Variants in TMPRSS15 observed in about 807,000 individuals in gnomAD.
TMPRSS15 encodes enteropeptidase.
In TMPRSS15, 128 loss-of-function variants were observed where a neutral mutation model predicts 125.3. The ratio of observed to expected loss-of-function variants is 1.02; its 90% CI spans 0.89 to 1.18. TMPRSS15 has a LOEUF of 1.18. TMPRSS15 is among the 50% of genes most tolerant of loss of function. TMPRSS15 has a pLI of 0.00. For missense variants in TMPRSS15, 1,283 were observed against 1,212.7 expected (o/e 1.06, Z -0.86); for synonymous variants, 446 against 423.2 (o/e 1.05, Z -0.66).
intron 1 of TMPRSS15, among the ~76,000 whole-genome samples, chr21:18,424,852 A>C (rs2076199287): frequency 6.7e-6 from 1 of 149,504 alleles, no homozygotes; most frequent in Non-Finnish European, 1.5e-5. Flanking sequence ...AGTAGAAAGA[A>C]TGAAGACATT....
chr21:18,437,662 A>G (rs921871115), intron 1 of TMPRSS15, among the ~76,000 whole-genome samples: 1 of 152,208 alleles, frequency 6.6e-6, no homozygotes, highest in Non-Finnish European at 1.5e-5. Context: ...AAAAGTGGGC[A>G]AAGGATATGA....
intron 13 of TMPRSS15, 30 bp downstream of exon 13, chr21:18,341,383 T>C: frequency 6.2e-7 from 1 of 1,613,914 alleles, no homozygotes; most frequent in Non-Finnish European, 8.5e-7. Flanking sequence ...AATGATTTAA[T>C]AAGACAAAAT....
chr21:18,432,669 G>A (rs1046194961), intron 1 of TMPRSS15, among the ~76,000 whole-genome samples: 4 of 152,162 alleles, frequency 2.6e-5, no homozygotes, highest in African/African-American at 9.6e-5. Context: ...GGAGAGTCAA[G>A]GTAGCATCCT....
Position 18,353,881 on chromosome 21 carries a change from C to A in TMPRSS15, c.881-18G>T, listed in dbSNP as rs1378512286. ...AATAGAAGCTACAAAATAAAATAAA[C>A]AACTGTTATATGTATATATCTATCT... On this transcript the variant is annotated intron_variant, in intron 8 of 24. Coordinates refer to ENST00000284885, the MANE Select transcript of TMPRSS15 (RefSeq NM_002772.3). The A allele has an allele frequency of 6.2e-7, 1 of 1,603,412 alleles. No homozygotes were observed. The highest frequency in any genetic ancestry group is 2.2e-5 in the East Asian group (1 of 44,594).
At chr21:18,438,995 T>A (rs2076235429) in intron 1 of TMPRSS15, among the ~76,000 whole-genome samples, 1 of 152,206 alleles carries the variant, frequency 6.6e-6, no homozygotes, top group South Asian at 2.1e-4. Context: ...GGGCTCTGAA[T>A]TCTTTCTTAT....
intron 1 of TMPRSS15, among the ~76,000 whole-genome samples, chr21:18,484,019 T>C (rs953007232): frequency 1.3e-4 from 20 of 151,882 alleles, no homozygotes; most frequent in Non-Finnish European, 2.5e-4. Flanking sequence ...TGCCCTCTTT[T>C]CTTTTCCTCA....
chr21:18,322,688 G>T (rs1489573301), intron 16 of TMPRSS15, among the ~76,000 whole-genome samples: 1 of 152,158 alleles, frequency 6.6e-6, no homozygotes, highest in African/African-American at 2.4e-5. Flanking sequence ...ATTTCATGAA[G>T]ATAGTAAATA....
intron 21 of TMPRSS15, among the ~76,000 whole-genome samples, chr21:18,291,226 C>T (rs2074829978): frequency 6.6e-6 from 1 of 152,226 alleles, no homozygotes; most frequent in Non-Finnish European, 1.5e-5. Context: ...TGTCCATAAT[C>T]ACACATGTGA....
At chr21:18,337,125 C>T (rs2075400112) in intron 13 of TMPRSS15, among the ~76,000 whole-genome samples, 1 of 152,154 alleles carries the variant, frequency 6.6e-6, no homozygotes, top group Non-Finnish European at 1.5e-5. Flanking sequence ...AATTATTGGC[C>T]TCAAGTGACC....
At chr21:18,295,335 GCATTATA>G (rs992674164) in intron 19 of TMPRSS15, among the ~76,000 whole-genome samples, 1 of 152,130 alleles carries the variant, frequency 6.6e-6, no homozygotes, top group African/African-American at 2.4e-5. Context: ...GTTTTACAGT[GCATTATA>G]CTTATCAGCC....
At position 18,452,429 on chromosome 21, in the gene TMPRSS15, C is replaced by T. The variant is rs369886104; in HGVS notation, c.10+33370G>A. On this transcript the variant is annotated intron_variant, in intron 1 of 7. Coordinates refer to the TMPRSS15 transcript ENST00000422787. Reference sequence around the variant, plus strand: ...CTGTAATCCCAGCACTTTGGGAGGCCGAGGTGGGCTGACATATTCAGCCCA... The same window carrying T: ...CTGTAATCCCAGCACTTTGGGAGGCTGAGGTGGGCTGACATATTCAGCCCA... Among the ~76,000 whole-genome samples the T allele has an allele frequency of 3.4e-4, 52 of 152,168 alleles. No individual in the cohort carries two copies. In the South Asian group the frequency reaches 1.0e-2, roughly 29 times the overall value.
At chr21:18,387,778 A>C (rs2824795) in intron 3 of TMPRSS15, among the ~76,000 whole-genome samples, 1 of 151,860 alleles carries the variant, frequency 6.6e-6, no homozygotes, top group East Asian at 1.9e-4. Flanking sequence ...TCATATACAC[A>C]TACATGGTGT....
At chr21:18,421,614 A>G (rs1235445124) in intron 1 of TMPRSS15, among the ~76,000 whole-genome samples, 1 of 152,196 alleles carries the variant, frequency 6.6e-6, no homozygotes, top group Middle Eastern at 3.2e-3. Context: ...AGATAACTAT[A>G]TGGTTTCATT....
intron 1 of TMPRSS15, among the ~76,000 whole-genome samples, chr21:18,468,823 C>G: frequency 6.6e-6 from 1 of 152,092 alleles, no homozygotes; most frequent in East Asian, 1.9e-4. Context: ...CCAGGTGGTA[C>G]CATATGTAAT....
intron 7 of TMPRSS15, among the ~76,000 whole-genome samples, chr21:18,363,226 A>G (rs2075693984): frequency 6.6e-6 from 1 of 152,148 alleles, no homozygotes; most frequent in South Asian, 2.1e-4. Context: ...ATTTTAGCAT[A>G]AAGTACACTG....
chr21:18,297,754 G>A lies in TMPRSS15; in HGVS notation c.2241C>T (p.Gly747=). 6.2e-7 allele frequency: 1 copy of A among 1,613,522 alleles called. No homozygotes were observed. Among genetic ancestry groups the A allele is most frequent in the Non-Finnish European group, 8.5e-7 (1 of 1,179,522 alleles). ...PFVKLNTAPD[G]HLILTPSQQC... ...CCCACCTGGGTGTTAGTATTAAGTG[G>A]CCATCAGGTGCTGTGTTTAATTTGA... The change falls in exon 19 of 25, where the codon GGC becomes GGT. Residue 747 remains glycine, a synonymous_variant. Transcript: ENST00000284885.
At chr21:18,387,481 T>C (rs1012592043) in intron 3 of TMPRSS15, among the ~76,000 whole-genome samples, 9 of 152,108 alleles carry the variant, frequency 5.9e-5, no homozygotes, top group African/African-American at 2.2e-4. Context: ...GGTAAATAGT[T>C]CTTTATTAAA....
intron 10 of TMPRSS15, among the ~76,000 whole-genome samples, chr21:18,347,457 A>AG (rs2075520959): frequency 2.6e-5 from 4 of 152,020 alleles, no homozygotes; most frequent in Admixed American, 6.6e-5. Context: ...GGCTGCTTTC[A>AG]AACTCCTGAT....
chr21:18,286,802 C>T (rs1353128828), intron 21 of TMPRSS15, among the ~76,000 whole-genome samples: 1 of 152,202 alleles, frequency 6.6e-6, no homozygotes, highest in African/African-American at 2.4e-5. Context: ...CTCTCCAGGG[C>T]TCGATCCATA....
Sources: allele counts gnomAD v4.1 joint callset (sites outside exome capture counted in the v4.1 genomes callset), GRCh38; gene constraint gnomAD v4.1.1; transcripts MANE v1.5; gene names NCBI Gene and HGNC (gene_info 2026-07-23, HGNC 2026-07-21).